Variants in ATM observed in about 807,000 individuals in gnomAD.
ATM encodes the protein serine-protein kinase ATM.
Under a neutral mutation model 387.0 loss-of-function variants are expected in ATM, and 308 were observed. The ratio of observed to expected loss-of-function variants is 0.80; its 90% CI spans 0.73 to 0.87. The LOEUF is 0.87. ATM is among the 40% of genes least tolerant of loss of function. ATM has a pLI of 0.00. For missense variants in ATM, 3,312 were observed against 3,560.9 expected, an observed-to-expected ratio of 0.93 and a Z score of 1.78; for synonymous variants, 1,156 against 1,187.3, an observed-to-expected ratio of 0.97 and a Z score of 0.54.
In ATM at chr11:108,257,478, T is replaced by C. The variant is rs752951518; in HGVS notation, c.2251-3T>C. The C allele has an allele frequency of 6.2e-7, 1 of 1,612,576 alleles. No homozygotes were observed. Among genetic ancestry groups the C allele is most frequent in the South Asian group, 1.1e-5 (1 of 91,062 alleles). ...TTTGCATTTTTCCTTCTATTCACAA[T>C]AGTCTCTAATGCAATGTGCAGGAGA... On this transcript the variant is annotated splice_region_variant and splice_polypyrimidine_tract_variant and intron_variant, in intron 14 of 62. Transcript: ENST00000675843.
chr11:108,255,116 A>G (rs1423280624), intron 13 of ATM, among the ~76,000 whole-genome samples: 1 of 152,118 alleles, frequency 6.6e-6, no homozygotes, highest in African/African-American at 2.4e-5. Context: ...GTTTTTATTT[A>G]TCTTTATATC....
chr11:108,357,069 C>T (rs1591328953), intron 61 of ATM, among the ~76,000 whole-genome samples: 1 of 152,194 alleles, frequency 6.6e-6, no homozygotes, highest in Non-Finnish European at 1.5e-5. Flanking sequence ...AGACAGTGGG[C>T]GCAGGTCAGT....
chr11:108,244,254 A>G (rs2079719730), intron 6 of ATM, 136 bp downstream of exon 6: 3 of 1,049,054 alleles, frequency 2.9e-6, no homozygotes, highest in Non-Finnish European at 4.2e-6. Context: ...GTGGATTCCT[A>G]AAGAGACAAC....
chr11:108,314,090 G>T (rs2136088653), intron 40 of ATM, among the ~76,000 whole-genome samples: 1 of 152,146 alleles, frequency 6.6e-6, no homozygotes, highest in Middle Eastern at 3.4e-3. Context: ...GTCAGACTTT[G>T]TAGGACTGTA....
chr11:108,279,289 G>T (rs968140768), intron 22 of ATM, among the ~76,000 whole-genome samples: 1 of 152,192 alleles, frequency 6.6e-6, no homozygotes, highest in African/African-American at 2.4e-5. Context: ...AATAGATTTT[G>T]TATTCAAGAC....
chr11:108,252,495 T>C (rs1026252423), intron 11 of ATM, among the ~76,000 whole-genome samples: 8 of 152,156 alleles, frequency 5.3e-5, no homozygotes, highest in African/African-American at 1.9e-4. Context: ...AGATTGGTAA[T>C]TGGAACCAAA....
intron 52 of ATM, among the ~76,000 whole-genome samples, chr11:108,332,245 G>T (rs553587635): frequency 6.6e-6 from 1 of 152,044 alleles, no homozygotes; most frequent in Admixed American, 6.6e-5. Flanking sequence ...CTGGCTGACC[G>T]ACACAGCAAA....
At chr11:108,292,879 A>T in intron 30 of ATM, 86 bp downstream of exon 30, 1 of 1,459,846 alleles carries the variant, frequency 6.9e-7, no homozygotes, top group Non-Finnish European at 9.5e-7. Flanking sequence ...TTTATTTGGT[A>T]TAATTGGTGA....
intron 42 of ATM, 112 bp downstream of exon 42, chr11:108,316,225 C>T (rs963328542): frequency 2.4e-5 from 25 of 1,047,926 alleles, no homozygotes; most frequent in Non-Finnish European, 3.6e-5. Flanking sequence ...AAGACTAGAA[C>T]TTATCTGTTT....
chr11:108,292,629 A>G lies in ATM; in HGVS notation c.4447A>G (p.Ile1483Val), dbSNP rs1281685502. The G allele has an allele frequency of 1.9e-6, 3 of 1,613,572 alleles. No individual in the cohort carries two copies. The African/African-American group carries it at 4.0e-5, about 22-fold the overall frequency. ...TTCTCCCTATATTAGGCCTTCTTGT[A>G]TCATGGATGTGTCATTACGTAGCTT... Reference protein sequence around the residue: ...IHYINQRPSCIMDVSLRSFSL... With the variant: ...IHYINQRPSCVMDVSLRSFSL... Residue 1483 changes from isoleucine to valine, a missense_variant, in exon 30 of 63, where the codon ATC (isoleucine) becomes GTC (valine). By Grantham distance (29) the Ile-to-Val change is conservative. Transcript: ENST00000675843.
intron 5 of ATM, among the ~76,000 whole-genome samples, chr11:108,241,118 A>C (rs1169313729): frequency 6.6e-6 from 1 of 152,200 alleles, no homozygotes; most frequent in Admixed American, 6.5e-5. Flanking sequence ...AGGCCTACAT[A>C]AGGTCAGGAT....
intron 4 of ATM, 72 bp from the exon 5 acceptor site, chr11:108,235,598 A>C: frequency 7.5e-7 from 1 of 1,325,848 alleles, no homozygotes; most frequent in East Asian, 2.5e-5. Flanking sequence ...GAATTATTTA[A>C]ATAGTTGCCA....
intron 45 of ATM, among the ~76,000 whole-genome samples, chr11:108,325,059 A>C (rs911749802): frequency 2.6e-5 from 4 of 152,086 alleles, no homozygotes; most frequent in Middle Eastern, 3.2e-3. Flanking sequence ...CAGAGTATTA[A>C]AAATTTTTTT....
At chr11:108,277,350 C>T (rs2081999032) in intron 22 of ATM, among the ~76,000 whole-genome samples, 1 of 152,168 alleles carries the variant, frequency 6.6e-6, no homozygotes. Flanking sequence ...TCCCTGGCTT[C>T]AGCCCCCTTT....
At position 108,251,007 on chromosome 11, in the gene ATM, T is replaced by C. The variant is rs572567674; in HGVS notation, c.1542T>C (p.Gly514=). 3.7e-6 allele frequency: 6 copies of C among 1,614,012 alleles called. No homozygotes were observed. The highest frequency in any genetic ancestry group is 1.1e-5 in the South Asian group (1 of 91,094). The change falls in exon 10 of 63, where the codon GGT becomes GGC. Residue 514 remains glycine (G), a synonymous_variant. Coordinates refer to ENST00000675843, the MANE Select transcript of ATM (RefSeq NM_000051.4). Reference sequence around the variant, plus strand: ...GCTTACTTGGAGCCATAATTCAGGGTAGTTTAGTTGAGGTTGACAGAGAAT... The same window carrying C: ...GCTTACTTGGAGCCATAATTCAGGGCAGTTTAGTTGAGGTTGACAGAGAAT... The part of the protein sequence containing the change: ...NFGLLGAIIQ[G]SLVEVDREFW...
chr11:108,289,831 GC>G (rs2082689313), intron 29 of ATM, 30 bp downstream of exon 29: 1 of 1,585,966 alleles, frequency 6.3e-7, no homozygotes, highest in South Asian at 1.1e-5. Context: ...CAATATATAA[GC>G]AGTCTTTCTA....
chr11:108,278,848 A>G (rs775489091), intron 22 of ATM, among the ~76,000 whole-genome samples: 7 of 152,160 alleles, frequency 4.6e-5, no homozygotes, highest in Non-Finnish European at 7.3e-5. Context: ...AGATTTCAAC[A>G]TGACATTTGG....
intron 13 of ATM, among the ~76,000 whole-genome samples, chr11:108,255,517 C>T (rs903379544): frequency 4.0e-5 from 6 of 149,172 alleles, no homozygotes; most frequent in Non-Finnish European, 5.9e-5. Context: ...CCTTCGCCTC[C>T]TGGGTTCAAG....
intron 61 of ATM, among the ~76,000 whole-genome samples, chr11:108,360,604 C>A (rs2090609804): frequency 6.7e-6 from 1 of 149,570 alleles, no homozygotes; most frequent in Admixed American, 6.7e-5. Flanking sequence ...CACCATGATC[C>A]AGTGGGCTTC....
Sources: gnomAD v4.1 joint callset for allele counts (sites outside exome capture counted in the v4.1 genomes callset) on GRCh38, gnomAD v4.1.1 for gene constraint, MANE v1.5 for transcripts, NCBI Gene and HGNC (gene_info 2026-07-23, HGNC 2026-07-21) for gene names.